Variants in ADGRB3 observed in about 807,000 individuals in gnomAD.
The protein encoded by ADGRB3 is adhesion G protein-coupled receptor B3.
A neutral mutation model predicts 193.4 loss-of-function variants in ADGRB3; 37 were observed. The ratio of observed to expected loss-of-function variants is 0.19; its 90% CI spans 0.15 to 0.25. The LOEUF (loss-of-function observed/expected upper bound fraction) is 0.25. Ranked by LOEUF, ADGRB3 falls within the 10% of genes least tolerant of loss-of-function variation. The pLI is 1.00. For missense variants in ADGRB3, 1,637 were observed against 1,852.9 expected, an observed-to-expected ratio of 0.88 and a Z score of 2.14; for synonymous variants, 690 against 644.2, an observed-to-expected ratio of 1.07 and a Z score of -1.08.
chr6:69,147,920 T>C (rs1774550942), intron 17 of ADGRB3, among the ~76,000 whole-genome samples: 1 of 152,192 alleles, frequency 6.6e-6, no homozygotes, highest in Non-Finnish European at 1.5e-5. Context: ...ATAACTTTTG[T>C]CTTGAAATCT....
rs531459509 is a variant in ADGRB3, at chr6:69,125,575, C to T, written c.2480+49537C>T. ...CACGTGGAAGCAGGCCTCCACAAGA[C>T]GCTGAATCTGCTGTCACCTTGATCT... On this transcript the variant is annotated intron_variant, in intron 17 of 31. Transcript: ENST00000370598. 1.4e-4 allele frequency among the ~76,000 whole-genome samples: 21 copies of T among 152,190 alleles called. No individual in the cohort carries two copies. The South Asian group carries it at 1.9e-3, about 14-fold the overall frequency.
intron 17 of ADGRB3, among the ~76,000 whole-genome samples, chr6:69,110,235 T>G (rs1449786883): frequency 6.6e-6 from 1 of 152,160 alleles, no homozygotes; most frequent in Non-Finnish European, 1.5e-5. Flanking sequence ...CATGATGTTA[T>G]TTTTTTAAAT....
intron 15 of ADGRB3, among the ~76,000 whole-genome samples, chr6:69,060,038 C>T (rs558153252): frequency 1.1e-4 from 17 of 152,048 alleles, no homozygotes; most frequent in African/African-American, 3.6e-4. Flanking sequence ...TGGATGCTTT[C>T]GTAGAGGTAG....
chr6:68,793,364 T>C (rs1296056096), intron 3 of ADGRB3, among the ~76,000 whole-genome samples: 1 of 152,180 alleles, frequency 6.6e-6, no homozygotes, highest in East Asian at 1.9e-4. Flanking sequence ...ACATCTTTTG[T>C]ATTCTTCCTG....
intron 3 of ADGRB3, among the ~76,000 whole-genome samples, chr6:68,909,476 G>GT (rs1766639306): frequency 6.6e-6 from 1 of 152,034 alleles, no homozygotes; most frequent in Non-Finnish European, 1.5e-5. Context: ...AAATAAAAAG[G>GT]TTTATTCCAC....
At chr6:68,755,758 G>A (rs1582175361) in intron 3 of ADGRB3, among the ~76,000 whole-genome samples, 1 of 152,014 alleles carries the variant, frequency 6.6e-6, no homozygotes, top group East Asian at 1.9e-4. Context: ...GAATGCTTTG[G>A]GTGCCAGGAA....
chr6:68,638,920 AC>A lies in ADGRB3; in HGVS notation c.246del (p.Ser84HisfsTer15). On this transcript the variant is annotated frameshift_variant, in exon 3 of 32. Transcript: ENST00000370598. LOFTEE classifies it high-confidence loss of function. ...TCCAAAAAGGACCTTAGCTGCTCTA[AC>A]TTTTCACTCCTGGCTTATCAGTTTG... Reference protein sequence around the residue: ...KFSKKDLSCSNFSLLAYQFDH... With the variant: ...KFSKKDLSCSXFSLLAYQFDH... 6.2e-7 allele frequency: 1 copy of A among 1,614,132 alleles called. No individual in the cohort carries two copies. The highest frequency in any genetic ancestry group is 8.5e-7 in the Non-Finnish European group (1 of 1,180,020).
chr6:69,307,603 C>T (rs1289866054), intron 20 of ADGRB3, among the ~76,000 whole-genome samples: 1 of 151,538 alleles, frequency 6.6e-6, no homozygotes, highest in African/African-American at 2.4e-5. Flanking sequence ...ACCTGTTTCT[C>T]TGTATTCCTT....
chr6:68,947,747 T>A (rs945622974), intron 6 of ADGRB3, among the ~76,000 whole-genome samples: 1 of 152,148 alleles, frequency 6.6e-6, no homozygotes, highest in Non-Finnish European at 1.5e-5. Flanking sequence ...GTAATGCTAT[T>A]GTAATACTAT....
chr6:69,006,744 G>A (rs1196748997), intron 11 of ADGRB3, among the ~76,000 whole-genome samples: 13 of 151,952 alleles, frequency 8.6e-5, no homozygotes, highest in Non-Finnish European at 1.5e-4. Context: ...CTGACCTCAG[G>A]AGATCCACCC....
chr6:69,024,053 A>T (rs1300143537), intron 13 of ADGRB3, among the ~76,000 whole-genome samples: 1 of 152,210 alleles, frequency 6.6e-6, no homozygotes, highest in Non-Finnish European at 1.5e-5. Context: ...CACATTTGGT[A>T]ATCAACTACA....
At chr6:69,063,405 G>A (rs75723942) in intron 16 of ADGRB3, among the ~76,000 whole-genome samples, 2 of 152,000 alleles carry the variant, frequency 1.3e-5, no homozygotes, top group African/African-American at 2.4e-5. Flanking sequence ...GTAAAAGCCT[G>A]TTAACTGTAG....
chr6:69,106,902 C>T (rs1773230006), intron 17 of ADGRB3, among the ~76,000 whole-genome samples: 1 of 152,162 alleles, frequency 6.6e-6, no homozygotes, highest in Non-Finnish European at 1.5e-5. Flanking sequence ...TGACTCTGTG[C>T]ATATGCAGCA....
At chr6:69,209,203 C>T (rs113688968) in intron 17 of ADGRB3, among the ~76,000 whole-genome samples, 18,029 of 152,202 alleles carry the variant, frequency 0.12, 1,144 homozygotes, top group Middle Eastern at 0.24. Flanking sequence ...CTGGACCTCA[C>T]TCAAAACTGG....
chr6:68,858,748 T>A (rs774150054), intron 3 of ADGRB3, among the ~76,000 whole-genome samples: 1 of 152,138 alleles, frequency 6.6e-6, no homozygotes, highest in Non-Finnish European at 1.5e-5. Flanking sequence ...GAGCTCTACA[T>A]TGACCCCTTT....
chr6:69,228,267 G>GA (rs1766060997), intron 17 of ADGRB3, among the ~76,000 whole-genome samples: 1 of 152,006 alleles, frequency 6.6e-6, no homozygotes, highest in Admixed American at 6.6e-5. Context: ...AAAGAAAAAA[G>GA]AAAAAATCAT....
At position 69,049,320 on chromosome 6, in the gene ADGRB3, C is replaced by A; in HGVS notation, c.2307C>A (p.Asn769Lys). Residue 769 changes from asparagine to lysine, a missense_variant, in exon 15 of 32, where the codon AAC (asparagine) becomes AAA (lysine). Around this residue, in one of 7 missense-constraint regions of ADGRB3, gnomAD observed 641 missense variants for 673.9 expected, o/e 0.95. Transcript: ENST00000370598. ...VFVLGAVLYK[N>K]LDLILPTLRN... ...TTCTTGGCGCAGTCCTATACAAAAA[C>A]TTAGATCTAATTTTGCCCACTTTGA... is the stretch of plus-strand genomic sequence containing the variant. 6.2e-7 allele frequency: 1 copy of A among 1,608,614 alleles called. No individual in the cohort carries two copies. The highest frequency in any genetic ancestry group is 8.5e-7 in the Non-Finnish European group (1 of 1,176,892).
At chr6:69,320,053 C>T (rs1470898506) in intron 20 of ADGRB3, among the ~76,000 whole-genome samples, 1 of 151,284 alleles carries the variant, frequency 6.6e-6, no homozygotes, top group Non-Finnish European at 1.5e-5. Context: ...TGCTATTTTA[C>T]AAATGTATTG....
At chr6:69,294,877 C>T (rs1158842092) in intron 20 of ADGRB3, among the ~76,000 whole-genome samples, 2 of 152,052 alleles carry the variant, frequency 1.3e-5, no homozygotes, top group Non-Finnish European at 2.9e-5. Context: ...TTTGAAAATC[C>T]TGATTTCAGT....
Sources: gnomAD v4.1 joint callset for allele counts (sites outside exome capture counted in the v4.1 genomes callset) on GRCh38, gnomAD v4.1.1 for gene constraint, gnomAD v4.1.1 regional missense constraint, MANE v1.5 for transcripts, NCBI Gene and HGNC (gene_info 2026-07-23, HGNC 2026-07-21) for gene names.